The following MYRIP variants were observed in gnomAD, a reference collection of about 807,000 sequenced individuals.
The protein encoded by MYRIP is rab effector MyRIP.
A neutral mutation model predicts 98.0 loss-of-function variants in MYRIP; 49 were observed. The observed-to-expected ratio is 0.50, with a 90% CI of 0.40 to 0.63. The LOEUF (loss-of-function observed/expected upper bound fraction) is 0.63. Ranked by LOEUF, MYRIP falls within the 30% of genes least tolerant of loss-of-function variation. The pLI, the probability that MYRIP is intolerant of heterozygous loss-of-function variation, is 0.00. For synonymous variants in MYRIP, 404 were observed against 409.5 expected, an observed-to-expected ratio of 0.99 and a Z score of 0.16; for missense variants, 1,004 against 1,058.2, an observed-to-expected ratio of 0.95 and a Z score of 0.71.
intron 11 of MYRIP, among the ~76,000 whole-genome samples, chr3:40,223,231 T>C (rs977612954): frequency 1.5e-5 from 2 of 132,858 alleles, no homozygotes; most frequent in African/African-American, 5.6e-5. Context: ...TCAAAAAGAG[T>C]CTAAAAATCA....
intron 2 of MYRIP, among the ~76,000 whole-genome samples, chr3:39,928,305 C>A (rs1009767681): frequency 1.3e-5 from 2 of 151,472 alleles, no homozygotes; most frequent in Non-Finnish European, 2.9e-5. Flanking sequence ...GGAGGGACTA[C>A]TTCTCAATTT....
intron 2 of MYRIP, among the ~76,000 whole-genome samples, chr3:40,036,324 A>ACAAAAAAC (rs1553607294): frequency 8.0e-6 from 1 of 125,628 alleles, no homozygotes; most frequent in African/African-American, 2.9e-5. Context: ...AAAAAAAAAA[A>ACAAAAAAC]CTTTATTCAA....
chr3:39,913,186 A>G (rs62264364), intron 2 of MYRIP, among the ~76,000 whole-genome samples: 8,842 of 152,244 alleles, frequency 0.058, 327 homozygotes, highest in Middle Eastern at 0.1. Flanking sequence ...AGCCCTACTT[A>G]TTTTTCACAA....
intron 8 of MYRIP, among the ~76,000 whole-genome samples, chr3:40,177,492 T>C (rs761826511): frequency 7.2e-5 from 11 of 152,132 alleles, no homozygotes; most frequent in Admixed American, 2.0e-4. Flanking sequence ...CCAATCCCCA[T>C]CAGCACCACT....
chr3:39,810,084 G>A (rs1940617848), intron 1 of MYRIP, among the ~76,000 whole-genome samples, 168 bp downstream of exon 1: 1 of 152,250 alleles, frequency 6.6e-6, no homozygotes, highest in Non-Finnish European at 1.5e-5. Flanking sequence ...CGGCCAGTCA[G>A]CCTCTGCGGA....
intron 8 of MYRIP, 69 bp downstream of exon 8, chr3:40,170,162 T>C: frequency 6.4e-7 from 1 of 1,553,594 alleles, no homozygotes; most frequent in African/African-American, 1.4e-5. Flanking sequence ...TAACCCTCTG[T>C]AGTTGAATCA....
chr3:39,852,681 A>G (rs1283080097), intron 1 of MYRIP, among the ~76,000 whole-genome samples: 5 of 151,342 alleles, frequency 3.3e-5, no homozygotes, highest in Non-Finnish European at 5.9e-5. Flanking sequence ...ATGGTCCCCA[A>G]CTCCATCCAG....
At chr3:39,842,355 G>T (rs1941829925) in intron 1 of MYRIP, among the ~76,000 whole-genome samples, 1 of 152,196 alleles carries the variant, frequency 6.6e-6, no homozygotes, top group Non-Finnish European at 1.5e-5. Flanking sequence ...TGCCGTGCTG[G>T]CAGCGAGAAT....
intron 3 of MYRIP, among the ~76,000 whole-genome samples, chr3:40,075,488 T>C (rs1948323895): frequency 6.6e-6 from 1 of 152,206 alleles, no homozygotes; most frequent in African/African-American, 2.4e-5. Flanking sequence ...AATCCCAACT[T>C]TGCCATTTAC....
intron 3 of MYRIP, among the ~76,000 whole-genome samples, chr3:40,091,523 T>A (rs1358942152): frequency 6.6e-6 from 1 of 152,232 alleles, no homozygotes. Context: ...ATTTCTCTAG[T>A]AAATAGTAAA....
At chr3:39,809,079 A>T (rs1940567228), upstream of MYRIP, 1 of 152,176 alleles carries the variant, frequency 6.6e-6, no homozygotes, top group South Asian at 2.1e-4. Flanking sequence ...CACTACGGAG[A>T]CTTTAATTAC....
chr3:39,908,261 G>A (rs976705299), intron 2 of MYRIP, among the ~76,000 whole-genome samples: 5 of 152,154 alleles, frequency 3.3e-5, no homozygotes, highest in African/African-American at 1.2e-4. Flanking sequence ...TTTCCCAGGC[G>A]CAGCTGCCAC....
chr3:40,208,812 C>T (rs34324510), intron 10 of MYRIP, among the ~76,000 whole-genome samples: 12,982 of 152,184 alleles, frequency 0.085, 853 homozygotes, highest in African/African-American at 0.19. Flanking sequence ...TCCCCACATC[C>T]CAGCCACAAA....
At chr3:39,981,049 G>T (rs1377662631) in intron 2 of MYRIP, among the ~76,000 whole-genome samples, 1 of 152,142 alleles carries the variant, frequency 6.6e-6, no homozygotes, top group Non-Finnish European at 1.5e-5. Context: ...TAAATTTTAT[G>T]TTGTATATAT....
intron 3 of MYRIP, among the ~76,000 whole-genome samples, chr3:40,087,427 C>A (rs1179277817): frequency 6.6e-6 from 1 of 152,004 alleles, no homozygotes; most frequent in Non-Finnish European, 1.5e-5. Context: ...CTAAGTAGAT[C>A]AACAGAACAA....
At chr3:40,203,981 A>T (rs1951677568) in intron 10 of MYRIP, among the ~76,000 whole-genome samples, 1 of 2,442 alleles carries the variant, frequency 4.1e-4, no homozygotes, top group African/African-American at 1.1e-3. Flanking sequence ...TATATTATAT[A>T]TAATATATAT....
At chr3:39,926,294 C>T (rs1944420482) in intron 2 of MYRIP, among the ~76,000 whole-genome samples, 1 of 152,010 alleles carries the variant, frequency 6.6e-6, no homozygotes, top group African/African-American at 2.4e-5. Flanking sequence ...CATTTGTTTA[C>T]TCTGTTGATG....
intron 2 of MYRIP, among the ~76,000 whole-genome samples, chr3:39,995,553 C>T (rs1379149346): frequency 2.6e-5 from 4 of 152,276 alleles, no homozygotes; most frequent in East Asian, 3.9e-4. Context: ...ACCAAATCTA[C>T]GTCTGATTGG....
chr3:39,878,841 G>A (rs1943084126), intron 1 of MYRIP, among the ~76,000 whole-genome samples: 1 of 151,308 alleles, frequency 6.6e-6, no homozygotes, highest in African/African-American at 2.4e-5. Context: ...TGGATCATGA[G>A]GTGAAGAGAT....
Sources: allele counts gnomAD v4.1 joint callset (sites outside exome capture counted in the v4.1 genomes callset), GRCh38; gene constraint gnomAD v4.1.1; transcripts MANE v1.5; gene names NCBI Gene and HGNC (gene_info 2026-07-23, HGNC 2026-07-21).